Variants in PPARGC1A observed in about 807,000 individuals in gnomAD.
PPARGC1A encodes the protein PPARG coactivator 1 alpha.
In PPARGC1A, 25 loss-of-function variants were observed where a neutral mutation model predicts 88.7. That is an observed-to-expected ratio of 0.28 (90% CI 0.21 to 0.39). The LOEUF is 0.39. PPARGC1A is among the 10% of genes least tolerant of loss of function. PPARGC1A has a pLI of 1.00. For synonymous variants in PPARGC1A, 363 were observed against 355.6 expected, an observed-to-expected ratio of 1.02 and a Z score of -0.24; for missense variants, 880 against 968.7, an observed-to-expected ratio of 0.91 and a Z score of 1.22.
chr4:23,872,967 G>T (rs1345989664), intron 2 of PPARGC1A, among the ~76,000 whole-genome samples: 1 of 151,876 alleles, frequency 6.6e-6, no homozygotes, highest in Non-Finnish European at 1.5e-5. Flanking sequence ...GAGGTGGGCG[G>T]ATCACGAGGT....
the PPARGC1A span, among the ~76,000 whole-genome samples, chr4:24,438,052 G>A: frequency 6.6e-6 from 1 of 152,184 alleles, no homozygotes; most frequent in Non-Finnish European, 1.5e-5. Flanking sequence ...AGCAGCACAG[G>A]AGGGACAGAT....
intron 2 of PPARGC1A, among the ~76,000 whole-genome samples, chr4:23,873,318 G>A (rs965253015): frequency 6.6e-6 from 1 of 151,946 alleles, no homozygotes; most frequent in Non-Finnish European, 1.5e-5. Context: ...TAGTGCTTTA[G>A]AGAAACTGAA....
the PPARGC1A span, among the ~76,000 whole-genome samples, chr4:24,384,564 A>G: frequency 3.3e-5 from 5 of 151,108 alleles, no homozygotes; most frequent in African/African-American, 9.7e-5. Flanking sequence ...AAAGCAAAAA[A>G]AAAAAAAAAA....
chr4:24,180,587 A>G, the PPARGC1A span, among the ~76,000 whole-genome samples: 1 of 152,146 alleles, frequency 6.6e-6, no homozygotes, highest in East Asian at 1.9e-4. Flanking sequence ...CAACACCCTG[A>G]CATCTAAATG....
chr4:24,004,194 C>T, the PPARGC1A span, among the ~76,000 whole-genome samples: 1 of 152,130 alleles, frequency 6.6e-6, no homozygotes, highest in Non-Finnish European at 1.5e-5. Context: ...CGAACACAGG[C>T]AAGTCTCTGG....
At chr4:23,965,374 C>A in the PPARGC1A span, among the ~76,000 whole-genome samples, 7 of 152,066 alleles carry the variant, frequency 4.6e-5, no homozygotes, top group Non-Finnish European at 8.8e-5. Context: ...TATGTCTGGC[C>A]CACAGTGGGG....
the PPARGC1A span, among the ~76,000 whole-genome samples, chr4:24,442,975 T>G: frequency 6.6e-6 from 1 of 152,178 alleles, no homozygotes; most frequent in African/African-American, 2.4e-5. Flanking sequence ...CTGCCTGACT[T>G]TTAAATAATA....
chr4:24,417,354 C>A, the PPARGC1A span, among the ~76,000 whole-genome samples: 1 of 152,160 alleles, frequency 6.6e-6, no homozygotes. Flanking sequence ...TGCCAAGAAT[C>A]CCTTCCTTCC....
the PPARGC1A span, among the ~76,000 whole-genome samples, chr4:24,179,363 CAG>C: frequency 6.6e-6 from 1 of 152,164 alleles, no homozygotes. Context: ...CATCCCAGGG[CAG>C]AGTCTCTTTC....
At chr4:24,225,388 T>C in the PPARGC1A span, among the ~76,000 whole-genome samples, 1 of 152,030 alleles carries the variant, frequency 6.6e-6, no homozygotes, top group African/African-American at 2.4e-5. Context: ...GCTAACACGG[T>C]GAAACCCCGT....
the PPARGC1A span, among the ~76,000 whole-genome samples, chr4:24,289,164 G>A: frequency 1.5e-4 from 22 of 142,472 alleles, no homozygotes; most frequent in East Asian, 4.6e-3. Context: ...AGGTTGCGGT[G>A]AGCCAAGATC....
the PPARGC1A span, among the ~76,000 whole-genome samples, chr4:23,936,326 A>G: frequency 5.9e-5 from 9 of 152,218 alleles, no homozygotes; most frequent in African/African-American, 1.9e-4. Context: ...TCACATAGCT[A>G]CTAAGTGAAA....
chr4:24,093,590 G>C, the PPARGC1A span, among the ~76,000 whole-genome samples: 33,153 of 152,012 alleles, frequency 0.22, 3,880 homozygotes, highest in Non-Finnish European at 0.24. Flanking sequence ...CCAGAGACTA[G>C]TCTCAATGGA....
the PPARGC1A span, among the ~76,000 whole-genome samples, chr4:23,966,700 T>G: frequency 6.6e-6 from 1 of 152,226 alleles, no homozygotes; most frequent in Admixed American, 6.5e-5. Context: ...AACTAATCTG[T>G]GCTGGAGCAG....
chr4:23,803,859 T>A (rs147160253), intron 10 of PPARGC1A, among the ~76,000 whole-genome samples: 1 of 152,264 alleles, frequency 6.6e-6, no homozygotes, highest in African/African-American at 2.4e-5. Context: ...AAAGAGTAAT[T>A]TGGACTGAAA....
chr4:24,405,074 A>G, the PPARGC1A span, among the ~76,000 whole-genome samples: 1 of 152,226 alleles, frequency 6.6e-6, no homozygotes, highest in African/African-American at 2.4e-5. Flanking sequence ...TTTTGCATGA[A>G]TCAAATAAAA....
At chr4:24,324,303 C>T in the PPARGC1A span, among the ~76,000 whole-genome samples, 1 of 152,136 alleles carries the variant, frequency 6.6e-6, no homozygotes, top group Non-Finnish European at 1.5e-5. Context: ...GCGGCAAGTC[C>T]CGCTTCCCTA....
chr4:24,328,039 C>G, the PPARGC1A span, among the ~76,000 whole-genome samples: 1 of 152,102 alleles, frequency 6.6e-6, no homozygotes. Flanking sequence ...GAGAACAACC[C>G]CCTTTGACTG....
At chr4:24,132,047 C>T in the PPARGC1A span, among the ~76,000 whole-genome samples, 2 of 152,168 alleles carry the variant, frequency 1.3e-5, no homozygotes, top group Admixed American at 6.5e-5. Context: ...GAATTGGCCG[C>T]GGGCATTTCC....
Sources: gnomAD v4.1 joint callset for allele counts (sites outside exome capture counted in the v4.1 genomes callset) on GRCh38, gnomAD v4.1.1 for gene constraint, MANE v1.5 for transcripts, NCBI Gene and HGNC (gene_info 2026-07-23, HGNC 2026-07-21) for gene names.